The following C10orf67 variants were observed in gnomAD, a reference collection of about 807,000 sequenced individuals.
The protein encoded by C10orf67 is chromosome 10 open reading frame 67.
A neutral mutation model predicts 35.6 loss-of-function variants in C10orf67; 60 were observed. The ratio of observed to expected loss-of-function variants is 1.68; its 90% CI spans 1.37 to 2.09. The LOEUF (loss-of-function observed/expected upper bound fraction) is 2.09, where lower values mean the gene tolerates loss of function less well. C10orf67 is among the 30% of genes most tolerant of loss of function. C10orf67 has a pLI of 0.00. For missense variants in C10orf67, 474 were observed against 330.2 expected (o/e 1.44, Z -3.38); for synonymous variants, 167 against 115.8 (o/e 1.44, Z -2.84).
At chr10:23,334,387 A>G (rs963371401) in intron 1 of C10orf67, among the ~76,000 whole-genome samples, 4 of 152,242 alleles carry the variant, frequency 2.6e-5, no homozygotes, top group Non-Finnish European at 4.4e-5. Context: ...CTAAAATGTC[A>G]GCTAAAATAA....
chr10:23,231,188 G>T (rs1841898373), intron 13 of C10orf67, among the ~76,000 whole-genome samples: 1 of 152,128 alleles, frequency 6.6e-6, no homozygotes, highest in East Asian at 1.9e-4. Flanking sequence ...TTGGGCTTTA[G>T]TTAGGTATTT....
chr10:23,267,375 G>T, intron 8 of C10orf67, 121 bp from the exon 9 acceptor site: 1 of 539,094 alleles, frequency 1.9e-6, no homozygotes, highest in Non-Finnish European at 3.3e-6. Flanking sequence ...CTCCCAAAAC[G>T]ATTATGGGAT....
At chr10:23,328,993 C>CAAAAA (rs57772405) in intron 2 of C10orf67, among the ~76,000 whole-genome samples, 183 of 78,706 alleles carry the variant, frequency 2.3e-3, no homozygotes, top group South Asian at 3.7e-3. Context: ...CATAAACGAA[C>CAAAAA]AAAAAAAAAA....
At chr10:23,250,958 A>G (rs1347379215) in intron 10 of C10orf67, among the ~76,000 whole-genome samples, 1 of 152,088 alleles carries the variant, frequency 6.6e-6, no homozygotes. Context: ...TTAGCAAGGC[A>G]TAGTGGCATG....
At chr10:23,320,165 A>C (rs1196408512) in intron 4 of C10orf67, among the ~76,000 whole-genome samples, 2 of 152,240 alleles carry the variant, frequency 1.3e-5, no homozygotes, top group East Asian at 3.8e-4. Context: ...GAGTGCTATG[A>C]TAAGAAACTT....
intron 7 of C10orf67, among the ~76,000 whole-genome samples, chr10:23,283,477 C>T (rs577386137): frequency 6.6e-6 from 1 of 152,170 alleles, no homozygotes; most frequent in African/African-American, 2.4e-5. Context: ...TGGTTCCGGG[C>T]TTTCCTCCCT....
intron 1 of C10orf67, among the ~76,000 whole-genome samples, chr10:23,335,029 A>C (rs1845621746): frequency 6.6e-6 from 1 of 152,156 alleles, no homozygotes; most frequent in Non-Finnish European, 1.5e-5. Flanking sequence ...TCTCGACTAA[A>C]AATACAAAAT....
chr10:23,245,838 ACTCCACTGCTGGG>A (rs1415420526), intron 12 of C10orf67, among the ~76,000 whole-genome samples: 4 of 152,024 alleles, frequency 2.6e-5, no homozygotes, highest in Non-Finnish European at 4.4e-5. Context: ...TGATCCAGCA[ACTCCACTGCTGGG>A]TATATACCCA....
chr10:23,251,021 C>T (rs1842439840), intron 10 of C10orf67, among the ~76,000 whole-genome samples: 1 of 152,070 alleles, frequency 6.6e-6, no homozygotes, highest in African/African-American at 2.4e-5. Context: ...TACATAAGCC[C>T]AGGAGGTCGA....
chr10:23,288,659 G>A (rs1843618750), intron 7 of C10orf67, among the ~76,000 whole-genome samples: 1 of 152,162 alleles, frequency 6.6e-6, no homozygotes, highest in South Asian at 2.1e-4. Context: ...TATCAGGCCT[G>A]GCTGAAATCT....
chr10:23,238,025 T>C (rs1842091881), intron 13 of C10orf67, among the ~76,000 whole-genome samples: 1 of 152,244 alleles, frequency 6.6e-6, no homozygotes, highest in Admixed American at 6.5e-5. Flanking sequence ...GCCTATCTTT[T>C]TCACACTGTA....
intron 13 of C10orf67, among the ~76,000 whole-genome samples, chr10:23,238,195 C>G (rs1479734174): frequency 1.3e-5 from 2 of 152,144 alleles, no homozygotes; most frequent in African/African-American, 4.8e-5. Flanking sequence ...TATGTGTACT[C>G]AACAAATATT....
chr10:23,333,646 T>G (rs1845563306), intron 1 of C10orf67, among the ~76,000 whole-genome samples: 1 of 152,196 alleles, frequency 6.6e-6, no homozygotes, highest in African/African-American at 2.4e-5. Context: ...TTTATTTGTC[T>G]TTTTACTGTC....
chr10:23,291,350 CAGATACAGAAAAG>C, intron 5 of C10orf67, 71 bp from the exon 6 acceptor site: 1 of 636,496 alleles, frequency 1.6e-6, no homozygotes, highest in Non-Finnish European at 2.8e-6. Flanking sequence ...AAGGACAATA[CAGATACAGAAAAG>C]CTATCATATA....
intron 8 of C10orf67, among the ~76,000 whole-genome samples, chr10:23,278,743 T>G (rs1402005990): frequency 6.6e-6 from 1 of 151,982 alleles, no homozygotes; most frequent in Non-Finnish European, 1.5e-5. Context: ...CCAAGAGAGG[T>G]CAGTTCAGGG....
intron 5 of C10orf67, among the ~76,000 whole-genome samples, chr10:23,298,776 T>G (rs1843973379): frequency 6.6e-6 from 1 of 152,172 alleles, no homozygotes; most frequent in African/African-American, 2.4e-5. Flanking sequence ...TAGCCACAGG[T>G]AGCAAGGAAA....
chr10:23,284,519 CA>C (rs937354576), intron 7 of C10orf67, among the ~76,000 whole-genome samples: 66 of 132,504 alleles, frequency 5.0e-4, no homozygotes, highest in Admixed American at 6.3e-4. Flanking sequence ...ACCATCTCCA[CA>C]AAAAAAAAAA....
intron 13 of C10orf67, among the ~76,000 whole-genome samples, chr10:23,230,926 C>T (rs1452516363): frequency 6.6e-6 from 1 of 152,148 alleles, no homozygotes; most frequent in Non-Finnish European, 1.5e-5. Flanking sequence ...GCATTAGCTT[C>T]TGTGGCAGAG....
chr10:23,262,629 A>C (rs1842782361), intron 10 of C10orf67, among the ~76,000 whole-genome samples: 1 of 152,344 alleles, frequency 6.6e-6, no homozygotes, highest in East Asian at 1.9e-4. Flanking sequence ...CAACAAAATC[A>C]ATAAGAGCAC....
Sources: allele counts gnomAD v4.1 joint callset (sites outside exome capture counted in the v4.1 genomes callset), GRCh38; gene constraint gnomAD v4.1.1; transcripts MANE v1.5; gene names NCBI Gene and HGNC (gene_info 2026-07-23, HGNC 2026-07-21).